ULK4: variants seen among roughly 807,000 people sequenced by gnomAD.
ULK4 encodes unc-51 like kinase 4.
Under a neutral mutation model 160.6 loss-of-function variants are expected in ULK4, and 133 were observed. The observed-to-expected ratio is 0.83, with a 90% CI of 0.72 to 0.96. The LOEUF (loss-of-function observed/expected upper bound fraction) is 0.96. Ranked by LOEUF, ULK4 falls within the 40% of genes least tolerant of loss-of-function variation. The probability of loss-of-function intolerance (pLI) is 0.00; values close to 1 mark genes in which losing one functional copy is unlikely to be tolerated. For missense variants in ULK4, 1,580 were observed against 1,499.5 expected (o/e 1.05, Z -0.89); for synonymous variants, 534 against 539.8 (o/e 0.99, Z 0.15).
intron 35 of ULK4, among the ~76,000 whole-genome samples, chr3:41,396,848 T>C (rs761818713): frequency 6.6e-5 from 10 of 152,126 alleles, no homozygotes; most frequent in Middle Eastern, 3.2e-3. Flanking sequence ...CTGCTGAGAT[T>C]AGTAAGTCTT....
intron 16 of ULK4, among the ~76,000 whole-genome samples, chr3:41,892,608 A>G (rs1698006333): frequency 6.6e-6 from 1 of 152,246 alleles, no homozygotes. Context: ...TGATGTTTAC[A>G]GTCTTTTAAA....
chr3:41,841,037 A>G (rs1332288164), intron 17 of ULK4, among the ~76,000 whole-genome samples: 63 of 100,230 alleles, frequency 6.3e-4, no homozygotes, highest in South Asian at 1.2e-3. Flanking sequence ...CCGTCTGGGA[A>G]GTGAGGAGCG....
chr3:41,663,895 AAT>A (rs1478452291), intron 29 of ULK4, among the ~76,000 whole-genome samples, 196 bp from the exon 30 acceptor site: 1 of 152,224 alleles, frequency 6.6e-6, no homozygotes, highest in East Asian at 1.9e-4. Flanking sequence ...GAAATAAGAG[AAT>A]AAACCAAATA....
chr3:41,264,012 G>A (rs1363264482), intron 35 of ULK4, among the ~76,000 whole-genome samples: 1 of 152,174 alleles, frequency 6.6e-6, no homozygotes, highest in African/African-American at 2.4e-5. Context: ...AGAAAGTAAA[G>A]GAGGGGAGAG....
At chr3:41,826,104 A>AATTTTGACAG (rs2041339304) in intron 18 of ULK4, among the ~76,000 whole-genome samples, 2 of 152,124 alleles carry the variant, frequency 1.3e-5, no homozygotes, top group Admixed American at 1.3e-4. Flanking sequence ...CAGACAAACA[A>AATTTTGACAG]ATTTTGACAG....
intron 35 of ULK4, among the ~76,000 whole-genome samples, chr3:41,328,676 T>C (rs2080383379): frequency 6.6e-6 from 1 of 152,164 alleles, no homozygotes; most frequent in Non-Finnish European, 1.5e-5. Flanking sequence ...AGCTTCCTGA[T>C]ACGAGATTTG....
In ULK4 at chr3:41,250,402, CTA is replaced by C. The variant is rs1283800130; in HGVS notation, c.3679-830_3679-829del. 9.9e-5 allele frequency among the ~76,000 whole-genome samples: 15 copies of C among 152,276 alleles called. No homozygotes were observed. The East Asian group carries it at 1.2e-3, about 12-fold the overall frequency. On this transcript the variant is annotated intron_variant, in intron 35 of 36. Transcript: ENST00000301831. Reference sequence around the variant, plus strand: ...ACTTTACATTTCAGAATGCTGTTTCCTATATGTTTTCTCATTTAATCTTCTCA... The same window carrying C: ...ACTTTACATTTCAGAATGCTGTTTCCTATGTTTTCTCATTTAATCTTCTCA...
At chr3:41,791,744 T>C (rs115455843) in intron 20 of ULK4, among the ~76,000 whole-genome samples, 4,005 of 152,296 alleles carry the variant, frequency 0.026, 127 homozygotes, top group Non-Finnish European at 0.033. Flanking sequence ...TAATACTCTA[T>C]ACATTTACTG....
At chr3:41,710,743 G>C (rs930536190) in intron 25 of ULK4, among the ~76,000 whole-genome samples, 3 of 151,002 alleles carry the variant, frequency 2.0e-5, no homozygotes, top group Admixed American at 6.6e-5. Context: ...GCAGTGAGCC[G>C]AGATCGCTCC....
chr3:41,262,804 G>A (rs144909152), intron 35 of ULK4, among the ~76,000 whole-genome samples: 5 of 152,260 alleles, frequency 3.3e-5, no homozygotes, highest in African/African-American at 1.2e-4. Flanking sequence ...ATCAGTTTCT[G>A]GCCATTAAGT....
In ULK4 at chr3:41,314,815, C is replaced by CTGTGTG. The variant is rs35458996; in HGVS notation, c.3679-65247_3679-65242dup. On this transcript the variant is annotated intron_variant, in intron 35 of 36. Transcript: ENST00000301831. ...TATATCTTCATTTGGTGCAGTGTGTCTGTGTGTGTGTGTGTGTGTAACCAC... is the reference window on the plus strand; with the variant it reads ...TATATCTTCATTTGGTGCAGTGTGTCTGTGTGTGTGTGTGTGTGTGTGTGTAACCAC... Among the ~76,000 whole-genome samples the CTGTGTG allele has an allele frequency of 4.1e-4, 61 of 149,554 alleles. 1 individual carries two copies. Among genetic ancestry groups the CTGTGTG allele is most frequent in the African/African-American group, 1.2e-3 (50 of 40,898 alleles).
intron 21 of ULK4, among the ~76,000 whole-genome samples, chr3:41,773,976 A>C (rs1175771867): frequency 6.6e-6 from 1 of 152,208 alleles, no homozygotes; most frequent in Non-Finnish European, 1.5e-5. Context: ...TGGGAAAAGG[A>C]TTCCCTATTT....
intron 35 of ULK4, among the ~76,000 whole-genome samples, chr3:41,354,061 G>A (rs945768927): frequency 5.3e-5 from 8 of 152,178 alleles, no homozygotes; most frequent in Non-Finnish European, 1.0e-4. Flanking sequence ...TAGGCAGAGA[G>A]AGGGCTGAGA....
chr3:41,794,782 T>C (rs753674533), intron 20 of ULK4, among the ~76,000 whole-genome samples: 16 of 150,590 alleles, frequency 1.1e-4, no homozygotes, highest in East Asian at 1.9e-4. Flanking sequence ...GAGGTCCTAA[T>C]TGAGGAGGTA....
At chr3:41,500,860 T>G (rs1476043631) in intron 32 of ULK4, among the ~76,000 whole-genome samples, 1 of 152,202 alleles carries the variant, frequency 6.6e-6, no homozygotes, top group African/African-American at 2.4e-5. Flanking sequence ...TGATCTTGTG[T>G]GCCTTCTGGG....
intron 4 of ULK4, 110 bp from the exon 5 acceptor site, chr3:41,932,116 C>G (rs1389829957): frequency 1.1e-6 from 1 of 881,862 alleles, no homozygotes; most frequent in African/African-American, 1.7e-5. Context: ...TATTCTTTAT[C>G]AGAACTCAGA....
chr3:41,555,325 A>T (rs2087249224), intron 32 of ULK4, among the ~76,000 whole-genome samples: 1 of 152,028 alleles, frequency 6.6e-6, no homozygotes, highest in African/African-American at 2.4e-5. Flanking sequence ...TGTACAAAAA[A>T]AAAAAGCAAT....
intron 35 of ULK4, among the ~76,000 whole-genome samples, chr3:41,300,584 A>C (rs1398317596): frequency 6.6e-6 from 1 of 151,822 alleles, no homozygotes; most frequent in Non-Finnish European, 1.5e-5. Context: ...CACCTGTGTG[A>C]ACCTTTATCT....
chr3:41,268,927 C>T (rs1382127362), intron 35 of ULK4, among the ~76,000 whole-genome samples: 2 of 152,040 alleles, frequency 1.3e-5, no homozygotes, highest in African/African-American at 4.8e-5. Context: ...CAAGGAGCAG[C>T]CTTCAGATGC....
Sources: gnomAD v4.1 joint callset for allele counts (sites outside exome capture counted in the v4.1 genomes callset) on GRCh38, gnomAD v4.1.1 for gene constraint, MANE v1.5 for transcripts, NCBI Gene and HGNC (gene_info 2026-07-23, HGNC 2026-07-21) for gene names.